The following TMEM135 variants were observed in gnomAD, a reference collection of about 807,000 sequenced individuals.
TMEM135 encodes peroxisomal membrane protein 52.
TMEM135 carries 30 observed loss-of-function variants against 60.3 expected under a neutral mutation model. The ratio of observed to expected loss-of-function variants is 0.50; its 90% CI spans 0.37 to 0.68. The LOEUF (loss-of-function observed/expected upper bound fraction) is 0.68, where lower values mean the gene tolerates loss of function less well. TMEM135 is among the 30% of genes least tolerant of loss of function. TMEM135 has a pLI of 0.00. For missense variants in TMEM135, 468 were observed against 548.8 expected (o/e 0.85, Z 1.47); for synonymous variants, 190 against 186.7 (o/e 1.02, Z -0.14).
At position 87,150,763 on chromosome 11, in the gene TMEM135, A is replaced by G. The variant is rs563716320; in HGVS notation, c.397-6578A>G. ...TATATTTTTCCCTCTGTGGAGCTACATCATTTGTTTAAGTTTGTTATCTTG... is the reference window on the plus strand; with the variant it reads ...TATATTTTTCCCTCTGTGGAGCTACGTCATTTGTTTAAGTTTGTTATCTTG... On this transcript the variant is annotated intron_variant, in intron 4 of 14. Transcript: ENST00000305494. Among the ~76,000 whole-genome samples, 157 of 152,158 alleles carry G rather than the reference A, an allele frequency of 1.0e-3. 1 individual carries two copies. The highest frequency in any genetic ancestry group is 0.01 in the Middle Eastern group (3 of 294).
chr11:87,146,947 T>C (rs778764881), intron 4 of TMEM135, among the ~76,000 whole-genome samples: 76 of 152,290 alleles, frequency 5.0e-4, no homozygotes, highest in Non-Finnish European at 1.9e-4. Flanking sequence ...TGTATTTATA[T>C]TTATAAATTG....
intron 3 of TMEM135, among the ~76,000 whole-genome samples, chr11:87,074,517 C>T (rs1856833126): frequency 6.6e-6 from 1 of 152,132 alleles, no homozygotes; most frequent in African/African-American, 2.4e-5. Context: ...CTACTATTTA[C>T]TCTTATTTAG....
intron 6 of TMEM135, among the ~76,000 whole-genome samples, chr11:87,266,124 TG>T (rs1428853233): frequency 6.6e-6 from 1 of 152,166 alleles, no homozygotes; most frequent in African/African-American, 2.4e-5. Context: ...TGAAGCCTAC[TG>T]TTTATAGTTA....
chr11:87,305,804 T>TAAAGAAAGAAAGAAAG (rs1554987162), intron 8 of TMEM135, 132 bp from the exon 9 acceptor site: 41 of 412,332 alleles, frequency 9.9e-5, no homozygotes, highest in South Asian at 3.4e-4. Context: ...AATAAATAAA[T>TAAAGAAAGAAAGAAAG]AAAGTGATGT....
rs887225523 is a variant in TMEM135 at position 87,319,318 on chromosome 11, G to A, written c.1185G>A (p.Met395Ile). The A allele has an allele frequency of 6.2e-7, 1 of 1,612,668 alleles. No homozygotes were observed. The highest frequency in any genetic ancestry group is 8.5e-7 in the Non-Finnish European group (1 of 1,179,010). The change falls in exon 14 of 15, where the codon ATG becomes ATA. Residue 395 changes from methionine (M) to isoleucine (I), a missense_variant. Coordinates refer to ENST00000305494, the MANE Select transcript of TMEM135 (RefSeq NM_022918.4). ...TCAAATTTAATACTCAGGCTGTCAT[G>A]GAAGTTCAGACTTTGAGACCATCTT... is the stretch of plus-strand genomic sequence containing the variant. The part of the protein sequence containing the change: ...STAICFQAAV[M>I]EVQTLRPSYW...
intron 6 of TMEM135, among the ~76,000 whole-genome samples, chr11:87,272,051 C>CTTTTTTTTTTT (rs773654603): frequency 7.4e-5 from 6 of 81,100 alleles, no homozygotes; most frequent in South Asian, 7.4e-4. Flanking sequence ...TTTTTCTTTT[C>CTTTTTTTTTTT]TTTTTTTTTT....
At chr11:87,249,058 C>A (rs1304359904) in intron 6 of TMEM135, among the ~76,000 whole-genome samples, 1 of 152,132 alleles carries the variant, frequency 6.6e-6, no homozygotes, top group African/African-American at 2.4e-5. Context: ...AATTTAACTT[C>A]TTTGTTTCCA....
At chr11:87,054,047 A>G (rs939376081) in intron 1 of TMEM135, among the ~76,000 whole-genome samples, 1 of 152,246 alleles carries the variant, frequency 6.6e-6, no homozygotes, top group Admixed American at 6.5e-5. Flanking sequence ...ATCATATGTG[A>G]GGCTCTGTCT....
chr11:87,318,401 C>T (rs1471162618), intron 13 of TMEM135, among the ~76,000 whole-genome samples, 166 bp downstream of exon 13: 2 of 151,520 alleles, frequency 1.3e-5, no homozygotes, highest in African/African-American at 4.8e-5. Context: ...AGCTTACCAG[C>T]TTCTAATCAT....
intron 6 of TMEM135, among the ~76,000 whole-genome samples, chr11:87,294,734 A>G (rs1030712789): frequency 1.3e-5 from 2 of 152,222 alleles, no homozygotes; most frequent in African/African-American, 4.8e-5. Context: ...GATTTATTCA[A>G]GGGATTTTGA....
intron 6 of TMEM135, among the ~76,000 whole-genome samples, chr11:87,240,639 A>G (rs564058059): frequency 6.6e-6 from 1 of 152,106 alleles, no homozygotes; most frequent in African/African-American, 2.4e-5. Flanking sequence ...ACTCACACAT[A>G]AAAAAGAAAA....
At chr11:87,195,668 C>T (rs1305317165) in intron 5 of TMEM135, among the ~76,000 whole-genome samples, 1 of 152,090 alleles carries the variant, frequency 6.6e-6, no homozygotes, top group South Asian at 2.1e-4. Flanking sequence ...CCTCCGCCTC[C>T]CAAAGCGTTG....
chr11:87,248,074 C>T (rs1007583445), intron 6 of TMEM135, among the ~76,000 whole-genome samples: 1 of 150,598 alleles, frequency 6.6e-6, no homozygotes, highest in South Asian at 2.1e-4. Flanking sequence ...TGAGTGTGTA[C>T]TATATTTTGT....
intron 4 of TMEM135, among the ~76,000 whole-genome samples, chr11:87,108,793 T>G (rs1243830083): frequency 6.6e-6 from 1 of 152,208 alleles, no homozygotes; most frequent in African/African-American, 2.4e-5. Flanking sequence ...TAAAGACTTG[T>G]ATACAAATAT....
chr11:87,183,113 T>G (rs907013190), intron 5 of TMEM135, among the ~76,000 whole-genome samples: 2 of 151,128 alleles, frequency 1.3e-5, no homozygotes, highest in African/African-American at 4.9e-5. Flanking sequence ...TTTTTAAAAT[T>G]AACATGAGTT....
At chr11:87,235,919 A>T (rs1460061003) in intron 5 of TMEM135, among the ~76,000 whole-genome samples, 2 of 151,940 alleles carry the variant, frequency 1.3e-5, no homozygotes, top group Non-Finnish European at 2.9e-5. Context: ...TCTGTATTCC[A>T]CAAAGGAATA....
chr11:87,282,492 T>C (rs1246572204), intron 6 of TMEM135, among the ~76,000 whole-genome samples: 1 of 152,216 alleles, frequency 6.6e-6, no homozygotes. Context: ...CTCGAACTCC[T>C]GACTCTCAGG....
intron 4 of TMEM135, among the ~76,000 whole-genome samples, chr11:87,143,036 A>G (rs1009370970): frequency 3.3e-5 from 5 of 151,800 alleles, no homozygotes; most frequent in Non-Finnish European, 7.4e-5. Flanking sequence ...TCAAATTAGA[A>G]ATTTCTGGTA....
intron 6 of TMEM135, among the ~76,000 whole-genome samples, chr11:87,252,069 T>G (rs1049467690): frequency 1.3e-5 from 2 of 152,096 alleles, no homozygotes; most frequent in African/African-American, 4.8e-5. Flanking sequence ...CTCAAGAAGC[T>G]TGAGAGAAAA....
Sources: gnomAD v4.1 joint callset for allele counts (sites outside exome capture counted in the v4.1 genomes callset) on GRCh38, gnomAD v4.1.1 for gene constraint, MANE v1.5 for transcripts, NCBI Gene and HGNC (gene_info 2026-07-23, HGNC 2026-07-21) for gene names.